Variants in KLHL29 observed in about 807,000 individuals in gnomAD.
KLHL29 encodes kelch-like protein 29.
In KLHL29, 21 loss-of-function variants were observed where a neutral mutation model predicts 80.4. That is an observed-to-expected ratio of 0.26 (90% CI 0.19 to 0.38). The LOEUF (loss-of-function observed/expected upper bound fraction) is 0.38. KLHL29 is among the 10% of genes least tolerant of loss of function. KLHL29 has a pLI of 1.00. For synonymous variants in KLHL29, 511 were observed against 526.8 expected (o/e 0.97, Z 0.41); for missense variants, 867 against 1,223.9 (o/e 0.71, Z 4.35).
intron 1 of KLHL29, among the ~76,000 whole-genome samples, chr2:23,410,537 C>T (rs1666838034): frequency 6.6e-6 from 1 of 152,072 alleles, no homozygotes; most frequent in South Asian, 2.1e-4. Context: ...GTGTGTGGGT[C>T]TGGCTTTCAC....
chr2:23,597,058 G>T (rs575446061), intron 3 of KLHL29, among the ~76,000 whole-genome samples: 1 of 152,200 alleles, frequency 6.6e-6, no homozygotes, highest in South Asian at 2.1e-4. Context: ...GCTTTTGGGG[G>T]ACAAGCTCTC....
At chr2:23,391,009 C>T (rs750053922) in intron 1 of KLHL29, among the ~76,000 whole-genome samples, 8 of 152,194 alleles carry the variant, frequency 5.3e-5, no homozygotes, top group Non-Finnish European at 5.9e-5. Flanking sequence ...CAGAACCCTT[C>T]GTCTTGCAGA....
rs571458029 is a variant in KLHL29 at position 23,706,686 on chromosome 2, A to G, written c.*22A>G. ...CTGACATCAGCAGAAAGCCCACGATAAGACTGTGGACAAGTCTGGTGAGGC... is the reference window on the plus strand; with the variant it reads ...CTGACATCAGCAGAAAGCCCACGATGAGACTGTGGACAAGTCTGGTGAGGC... On this transcript the variant is annotated 3_prime_UTR_variant, in exon 14 of 14. Coordinates refer to ENST00000486442, the MANE Select transcript of KLHL29 (RefSeq NM_052920.2). The G allele has an allele frequency of 1.0e-5, 15 of 1,486,782 alleles. No homozygotes were observed. The East Asian group carries it at 3.1e-4, about 30-fold the overall frequency. The allele number at this position is 1,486,782 out of a possible 1,614,324, so 92.1% of individuals were successfully genotyped here.
chr2:23,388,827 T>C (rs1010551221), intron 1 of KLHL29, among the ~76,000 whole-genome samples: 36 of 151,842 alleles, frequency 2.4e-4, no homozygotes, highest in African/African-American at 7.8e-4. Flanking sequence ...TCATTTGATA[T>C]GTATGTGTAC....
chr2:23,597,343 G>GTGTGTATATGTA (rs1558402719), intron 3 of KLHL29, among the ~76,000 whole-genome samples: 8 of 134,446 alleles, frequency 6.0e-5, no homozygotes, highest in African/African-American at 2.0e-4. Flanking sequence ...GTGTGTGTGT[G>GTGTGTATATGTA]TGTATGTATA....
intron 3 of KLHL29, among the ~76,000 whole-genome samples, chr2:23,571,361 G>T (rs1304958305): frequency 2.0e-5 from 3 of 152,246 alleles, no homozygotes; most frequent in African/African-American, 7.2e-5. Context: ...TGACCTCGTG[G>T]TCTGTAGTGG....
At chr2:23,551,087 A>G (rs981706193) in intron 2 of KLHL29, among the ~76,000 whole-genome samples, 7 of 152,144 alleles carry the variant, frequency 4.6e-5, no homozygotes, top group Admixed American at 1.3e-4. Context: ...CGTAATGACA[A>G]CTCTGGTTGA....
intron 3 of KLHL29, among the ~76,000 whole-genome samples, chr2:23,614,707 T>C (rs553236302): frequency 2.6e-5 from 4 of 152,110 alleles, no homozygotes; most frequent in African/African-American, 9.6e-5. Flanking sequence ...CGGAAAGAGC[T>C]CTCTGTGGTT....
intron 5 of KLHL29, among the ~76,000 whole-genome samples, chr2:23,676,429 G>A (rs996813419): frequency 7.2e-5 from 11 of 152,150 alleles, no homozygotes; most frequent in Admixed American, 1.3e-4. Context: ...TGATCTGCCC[G>A]CCTCAGCCTC....
chr2:23,677,233 G>A (rs1039676072), intron 5 of KLHL29, among the ~76,000 whole-genome samples: 1 of 152,190 alleles, frequency 6.6e-6, no homozygotes, highest in African/African-American at 2.4e-5. Flanking sequence ...AGGCACGGAG[G>A]GGACCTCTGA....
chr2:23,475,303 A>G (rs1018443250), intron 1 of KLHL29, among the ~76,000 whole-genome samples: 3 of 151,792 alleles, frequency 2.0e-5, no homozygotes, highest in Non-Finnish European at 4.4e-5. Context: ...CATATCTGCC[A>G]CTCGGAGTAC....
chr2:23,517,424 T>G (rs1455025035), intron 2 of KLHL29, among the ~76,000 whole-genome samples: 1 of 152,070 alleles, frequency 6.6e-6, no homozygotes, highest in Non-Finnish European at 1.5e-5. Flanking sequence ...GCACCTGTAG[T>G]CCCGGTTACT....
chr2:23,564,725 C>T (rs890180492), intron 3 of KLHL29, among the ~76,000 whole-genome samples: 9 of 152,250 alleles, frequency 5.9e-5, no homozygotes, highest in East Asian at 1.9e-4. Context: ...CAGGTATTTG[C>T]GGTTTCCCCG....
Position 23,639,181 on chromosome 2 carries a change from G to A in KLHL29, c.328G>A (p.Ala110Thr). 6.5e-7 allele frequency: 1 copy of A among 1,545,806 alleles called. No homozygotes were observed. Among genetic ancestry groups the A allele is most frequent in the Non-Finnish European group, 8.7e-7 (1 of 1,144,696 alleles). The change falls in exon 4 of 14, where the codon GCG (alanine) becomes ACG (threonine). Residue 110 changes from alanine to threonine, a missense_variant. Coordinates refer to ENST00000486442, the MANE Select transcript of KLHL29 (RefSeq NM_052920.2). ...AGGGGACAGTCAGTCCCAGGGACTG[G>A]CGACCAGCATCCGGTGGGGGCAGAC... ...SKGDSQSQGL[A>T]TSIRWGQTPI...
chr2:23,453,287 A>G (rs112964317), intron 1 of KLHL29, among the ~76,000 whole-genome samples: 164 of 152,262 alleles, frequency 1.1e-3, no homozygotes, highest in African/African-American at 3.7e-3. Context: ...ACGTCACAGG[A>G]GCTGTGTCTT....
At chr2:23,597,614 G>A (rs1330943816) in intron 3 of KLHL29, among the ~76,000 whole-genome samples, 3 of 151,166 alleles carry the variant, frequency 2.0e-5, no homozygotes, top group African/African-American at 4.9e-5. Flanking sequence ...TAGTAGAGAC[G>A]GGGTTTCACC....
intron 3 of KLHL29, among the ~76,000 whole-genome samples, chr2:23,632,732 A>T (rs919118582): frequency 6.6e-6 from 1 of 152,262 alleles, no homozygotes; most frequent in Non-Finnish European, 1.5e-5. Context: ...AGGAAATGAC[A>T]GCATTCACCA....
intron 1 of KLHL29, among the ~76,000 whole-genome samples, chr2:23,401,926 A>G (rs1394391288): frequency 6.6e-6 from 1 of 152,274 alleles, no homozygotes; most frequent in East Asian, 1.9e-4. Flanking sequence ...GGGAGTCCCC[A>G]GCTGACTTGA....
chr2:23,446,976 A>G (rs1213379988), intron 1 of KLHL29, among the ~76,000 whole-genome samples: 1 of 152,224 alleles, frequency 6.6e-6, no homozygotes, highest in Non-Finnish European at 1.5e-5. Context: ...TAATGCAGAA[A>G]AACACCTTTT....
Sources: allele counts gnomAD v4.1 joint callset (sites outside exome capture counted in the v4.1 genomes callset), GRCh38; gene constraint gnomAD v4.1.1; transcripts MANE v1.5; gene names NCBI Gene and HGNC (gene_info 2026-07-23, HGNC 2026-07-21).